Variants in SGPP2 observed in about 807,000 individuals in gnomAD.
SGPP2 encodes the protein sphingosine 1-phosphate phosphohydrolase 2.
Under a neutral mutation model 33.9 loss-of-function variants are expected in SGPP2, and 30 were observed. The ratio of observed to expected loss-of-function variants is 0.89; its 90% confidence interval spans 0.66 to 1.20. The LOEUF is 1.20. Among genes scored for constraint, SGPP2 ranks in the 50% most tolerant of loss-of-function variants. The probability of loss-of-function intolerance (pLI) is 0.00; values close to 1 mark genes in which losing one functional copy is unlikely to be tolerated. For missense variants in SGPP2, 458 were observed against 532.1 expected (o/e 0.86, Z 1.37); for synonymous variants, 233 against 225.0 (o/e 1.04, Z -0.32).
chr2:222,558,784 G>A lies in SGPP2; in HGVS notation c.1086G>A (p.Glu362=). 6.2e-7 allele frequency: 1 copy of A among 1,614,138 alleles called. No individual in the cohort carries two copies. The highest frequency in any genetic ancestry group is 8.5e-7 in the Non-Finnish European group (1 of 1,180,028). ...SWFKVVTRNK[E]ARRRLEIEVP... ...TCAAGGTGGTCACCAGGAACAAGGA[G>A]GCCAGGCGGAGACTGGAGATTGAAG... Residue 362 remains glutamate (E), a synonymous_variant, in exon 5 of 5, where the codon GAG becomes GAA. Transcript: ENST00000321276.
chr2:222,469,743 G>A (rs933838501), intron 1 of SGPP2, among the ~76,000 whole-genome samples: 3 of 152,122 alleles, frequency 2.0e-5, no homozygotes, highest in Non-Finnish European at 2.9e-5. Flanking sequence ...AAGATGTATT[G>A]AAGTCACACA....
At chr2:222,540,430 A>C (rs1452949286) in intron 4 of SGPP2, among the ~76,000 whole-genome samples, 4 of 152,186 alleles carry the variant, frequency 2.6e-5, no homozygotes, top group Non-Finnish European at 5.9e-5. Context: ...GTACTGCATA[A>C]ATATCAGTGT....
chr2:222,541,613 T>C (rs1698998758), intron 4 of SGPP2, among the ~76,000 whole-genome samples: 1 of 151,770 alleles, frequency 6.6e-6, no homozygotes, highest in African/African-American at 2.4e-5. Context: ...TTTATTTATT[T>C]ATTTATTTAT....
chr2:222,520,521 A>G (rs1698668416), intron 2 of SGPP2, among the ~76,000 whole-genome samples: 1 of 152,158 alleles, frequency 6.6e-6, no homozygotes, highest in South Asian at 2.1e-4. Context: ...TTCTGAGGTC[A>G]GGAGTTCAAG....
chr2:222,467,523 G>T (rs1304001791), intron 1 of SGPP2, among the ~76,000 whole-genome samples: 1 of 152,132 alleles, frequency 6.6e-6, no homozygotes, highest in African/African-American at 2.4e-5. Flanking sequence ...CGGGTAGGGA[G>T]CATAGGTAGC....
At position 222,535,401 on chromosome 2, in the gene SGPP2, G is replaced by T. The variant is rs1489728586; in HGVS notation, c.648+10368G>T. ...TCAAAAAAAAAAAAAAAGCCACAGT[G>T]GGGGCACTGTTTTCATCTCTTTTAC... On this transcript the variant is annotated intron_variant, in intron 4 of 4. Coordinates refer to ENST00000321276, the MANE Select transcript of SGPP2 (RefSeq NM_152386.4). 2.6e-5 allele frequency among the ~76,000 whole-genome samples: 4 copies of T among 151,774 alleles called. No individual in the cohort carries two copies. In the East Asian group the frequency reaches 7.7e-4, roughly 29 times the overall value.
intron 4 of SGPP2, among the ~76,000 whole-genome samples, chr2:222,526,603 T>C (rs1264517822): frequency 6.6e-6 from 1 of 152,186 alleles, no homozygotes; most frequent in Admixed American, 6.5e-5. Flanking sequence ...TTAATTTCTG[T>C]AGGCTTTAAT....
intron 2 of SGPP2, among the ~76,000 whole-genome samples, chr2:222,506,775 G>A (rs75211932): frequency 0.013 from 1,953 of 152,070 alleles, 27 homozygotes; most frequent in African/African-American, 0.032. Context: ...CATAACTAAC[G>A]ATCAGATCAT....
chr2:222,517,398 C>A (rs1698621237), intron 2 of SGPP2, among the ~76,000 whole-genome samples: 1 of 152,136 alleles, frequency 6.6e-6, no homozygotes, highest in African/African-American at 2.4e-5. Context: ...CCGCTGGGGA[C>A]AGTCGGAGAG....
At chr2:222,444,989 C>T (rs1697378246) in intron 1 of SGPP2, among the ~76,000 whole-genome samples, 1 of 152,164 alleles carries the variant, frequency 6.6e-6, no homozygotes. Flanking sequence ...TAGTCCCTGA[C>T]CAGACCCCGA....
At chr2:222,486,657 T>C (rs1698114243) in intron 2 of SGPP2, among the ~76,000 whole-genome samples, 1 of 152,154 alleles carries the variant, frequency 6.6e-6, no homozygotes, top group South Asian at 2.1e-4. Flanking sequence ...GAGCGAAGTG[T>C]AGGCACTACT....
intron 2 of SGPP2, among the ~76,000 whole-genome samples, chr2:222,507,746 T>C (rs1403404001): frequency 1.3e-5 from 2 of 152,232 alleles, no homozygotes; most frequent in African/African-American, 4.8e-5. Context: ...CAGTTTCCCA[T>C]GTACCTATAT....
intron 4 of SGPP2, among the ~76,000 whole-genome samples, chr2:222,538,875 G>GATCC (rs1173273687): frequency 6.6e-6 from 1 of 152,154 alleles, no homozygotes; most frequent in Non-Finnish European, 1.5e-5. Context: ...CCGCCCCCAT[G>GATCC]ATCCAGTCAC....
chr2:222,517,678 G>T (rs1301371780), intron 2 of SGPP2, among the ~76,000 whole-genome samples: 4 of 152,222 alleles, frequency 2.6e-5, no homozygotes, highest in Admixed American at 6.5e-5. Flanking sequence ...GGCTTTGAGA[G>T]TTGCAGACAC....
intron 2 of SGPP2, among the ~76,000 whole-genome samples, chr2:222,508,551 C>T (rs778233089): frequency 6.6e-6 from 1 of 152,166 alleles, no homozygotes; most frequent in Non-Finnish European, 1.5e-5. Context: ...CAACTCCTTT[C>T]TTATAATGAA....
chr2:222,515,822 T>C (rs1339668882), intron 2 of SGPP2, among the ~76,000 whole-genome samples: 1 of 152,040 alleles, frequency 6.6e-6, no homozygotes, highest in African/African-American at 2.4e-5. Context: ...GCGGATCACC[T>C]GAGGTCAGGA....
At chr2:222,512,845 C>T (rs1194373550) in intron 2 of SGPP2, among the ~76,000 whole-genome samples, 2 of 152,168 alleles carry the variant, frequency 1.3e-5, no homozygotes, top group Non-Finnish European at 2.9e-5. Context: ...CCATTGTCTA[C>T]ATGAACCACA....
intron 1 of SGPP2, among the ~76,000 whole-genome samples, chr2:222,426,447 C>T (rs752897405): frequency 1.1e-4 from 17 of 152,140 alleles, no homozygotes; most frequent in Non-Finnish European, 2.2e-4. Context: ...TTAAACATCA[C>T]CCCTGGTAAC....
intron 1 of SGPP2, among the ~76,000 whole-genome samples, chr2:222,471,931 G>A (rs1697849556): frequency 6.6e-6 from 1 of 152,064 alleles, no homozygotes; most frequent in Admixed American, 6.5e-5. Flanking sequence ...ATATAAAGGT[G>A]TTTACCATAT....
Sources: gnomAD v4.1 joint callset for allele counts (sites outside exome capture counted in the v4.1 genomes callset) on GRCh38, gnomAD v4.1.1 for gene constraint, MANE v1.5 for transcripts, NCBI Gene and HGNC (gene_info 2026-07-23, HGNC 2026-07-21) for gene names.